Variants in ANO10 observed in about 807,000 individuals in gnomAD.
The protein encoded by ANO10 is anoctamin-10.
A neutral mutation model predicts 74.7 loss-of-function variants in ANO10; 77 were observed. The ratio of observed to expected loss-of-function variants is 1.03; its 90% confidence interval spans 0.86 to 1.25. The LOEUF is 1.25. ANO10 is among the 50% of genes most tolerant of loss of function. The pLI is 0.00. For missense variants in ANO10, 721 were observed against 778.1 expected (o/e 0.93, Z 0.87); for synonymous variants, 279 against 284.9 (o/e 0.98, Z 0.21).
At chr3:43,675,203 A>C (rs2084107892) in intron 1 of ANO10, among the ~76,000 whole-genome samples, 1 of 152,148 alleles carries the variant, frequency 6.6e-6, no homozygotes, top group African/African-American at 2.4e-5. Flanking sequence ...CTCGACCTAA[A>C]CATCTCACTT....
chr3:43,423,937 G>C (rs907091307), intron 12 of ANO10, among the ~76,000 whole-genome samples: 5 of 152,160 alleles, frequency 3.3e-5, no homozygotes, highest in Non-Finnish European at 5.9e-5. Flanking sequence ...CACAAAGGTA[G>C]AATTCTGACT....
At chr3:43,531,913 AC>A (rs2078487043) in intron 11 of ANO10, among the ~76,000 whole-genome samples, 2 of 151,768 alleles carry the variant, frequency 1.3e-5, no homozygotes, top group African/African-American at 4.9e-5. Context: ...AAAAAAAAAA[AC>A]AAAACCCATA....
chr3:43,551,802 C>A (rs1263231654), intron 10 of ANO10, among the ~76,000 whole-genome samples: 1 of 152,058 alleles, frequency 6.6e-6, no homozygotes, highest in Non-Finnish European at 1.5e-5. Context: ...TATTCTTTTA[C>A]TTTAAACCTA....
At chr3:43,371,928 C>T (rs1181777681) in intron 12 of ANO10, among the ~76,000 whole-genome samples, 1 of 152,090 alleles carries the variant, frequency 6.6e-6, no homozygotes, top group African/African-American at 2.4e-5. Context: ...TTAAAAAGTC[C>T]AAGCCTGTCT....
At chr3:43,561,500 C>CT in intron 8 of ANO10, 98 bp from the exon 9 acceptor site, 7 of 1,059,284 alleles carry the variant, frequency 6.6e-6, no homozygotes, top group Non-Finnish European at 8.3e-6. Context: ...GTATTTATAG[C>CT]ATAAATACAA....
chr3:43,506,741 T>A (rs1157476399), intron 11 of ANO10, among the ~76,000 whole-genome samples: 1 of 152,136 alleles, frequency 6.6e-6, no homozygotes, highest in Non-Finnish European at 1.5e-5. Flanking sequence ...GGCTTTCCCA[T>A]CACTCACTCC....
chr3:43,501,592 A>G (rs568896088), intron 11 of ANO10, among the ~76,000 whole-genome samples: 1 of 152,316 alleles, frequency 6.6e-6, no homozygotes, highest in African/African-American at 2.4e-5. Context: ...CAAAGGGAAG[A>G]GAGGTTGAAA....
chr3:43,599,969 G>C (rs1030719563), intron 3 of ANO10, among the ~76,000 whole-genome samples: 4 of 151,956 alleles, frequency 2.6e-5, no homozygotes, highest in Non-Finnish European at 5.9e-5. Context: ...GAATTGATTG[G>C]TGACAATCAT....
At chr3:43,378,126 C>T (rs1375305284) in intron 12 of ANO10, among the ~76,000 whole-genome samples, 1 of 152,194 alleles carries the variant, frequency 6.6e-6, no homozygotes, top group Admixed American at 6.5e-5. Context: ...ACATCAGTTT[C>T]AACACAACTT....
chr3:43,587,027 T>A (rs2081510442), intron 4 of ANO10, among the ~76,000 whole-genome samples: 1 of 152,072 alleles, frequency 6.6e-6, no homozygotes, highest in Non-Finnish European at 1.5e-5. Flanking sequence ...AAATAACTCT[T>A]CAAAGATAAC....
chr3:43,544,881 T>C (rs1575391571), intron 11 of ANO10, among the ~76,000 whole-genome samples: 3 of 147,836 alleles, frequency 2.0e-5, no homozygotes, highest in African/African-American at 2.5e-5. Context: ...AGAAAAGCAA[T>C]AGAAACTATC....
intron 1 of ANO10, among the ~76,000 whole-genome samples, chr3:43,671,801 T>C (rs1464948972): frequency 6.6e-6 from 1 of 152,140 alleles, no homozygotes; most frequent in East Asian, 1.9e-4. Context: ...AGATATTCAA[T>C]AGCCCATTTC....
intron 1 of ANO10, among the ~76,000 whole-genome samples, chr3:43,684,348 T>C (rs1050746842): frequency 3.3e-5 from 5 of 152,218 alleles, no homozygotes; most frequent in Non-Finnish European, 5.9e-5. Flanking sequence ...CATCACTGGT[T>C]ATCAGAGAAA....
chr3:43,606,225 T>C (rs1010739361), intron 1 of ANO10, among the ~76,000 whole-genome samples: 4 of 152,208 alleles, frequency 2.6e-5, no homozygotes, highest in African/African-American at 9.7e-5. Context: ...GTTTGCCAGA[T>C]ACACAATGAG....
intron 1 of ANO10, among the ~76,000 whole-genome samples, chr3:43,688,772 A>C (rs1031892092): frequency 9.9e-5 from 15 of 151,730 alleles, no homozygotes; most frequent in Non-Finnish European, 1.9e-4. Flanking sequence ...TGAACCTGGG[A>C]GGTGCAGGTC....
intron 1 of ANO10, among the ~76,000 whole-genome samples, chr3:43,653,927 G>GTTT (rs5848668): frequency 2.5e-4 from 37 of 145,152 alleles, no homozygotes; most frequent in Non-Finnish European, 3.6e-4. Flanking sequence ...GTTTGCTGGG[G>GTTT]TTTTTTTTTT....
chr3:43,537,611 CCACACACACACACACACA>C (rs3223349), intron 11 of ANO10, among the ~76,000 whole-genome samples: 22 of 140,058 alleles, frequency 1.6e-4, no homozygotes, highest in Admixed American at 2.9e-4. Context: ...ACTTTATAAA[CCACACACACACACACACA>C]CACACACACA....
rs1468483608 is a variant in ANO10 at position 43,663,968 on chromosome 3, A to G, written c.-12+27549T>C. 2.6e-5 allele frequency among the ~76,000 whole-genome samples: 4 copies of G among 152,366 alleles called. No homozygotes were observed. The East Asian group carries it at 5.8e-4, about 22-fold the overall frequency. On this transcript the variant is annotated intron_variant, in intron 1 of 3. Coordinates refer to the ANO10 transcript ENST00000413397. ...ACGGCCTTACTGCCCAAAGTAATTT[A>G]TAGATTCAATGCTATCCCCATCAAG...
intron 1 of ANO10, among the ~76,000 whole-genome samples, chr3:43,615,904 C>T (rs979022786): frequency 2.6e-5 from 4 of 152,082 alleles, no homozygotes; most frequent in African/African-American, 9.7e-5. Flanking sequence ...CCGCCCGCCT[C>T]GGCCTCCAAA....
Sources: gnomAD v4.1 joint callset for allele counts (sites outside exome capture counted in the v4.1 genomes callset) on GRCh38, gnomAD v4.1.1 for gene constraint, MANE v1.5 for transcripts, NCBI Gene and HGNC (gene_info 2026-07-23, HGNC 2026-07-21) for gene names.